CLPB: variants seen among roughly 807,000 people sequenced by gnomAD.
The protein encoded by CLPB is ClpB family mitochondrial disaggregase.
CLPB carries 40 observed loss-of-function variants against 78.4 expected under a neutral mutation model. The observed-to-expected ratio is 0.51, with a 90% CI of 0.40 to 0.66. The LOEUF is 0.66. Ranked by LOEUF, CLPB falls within the 30% of genes least tolerant of loss-of-function variation. The pLI is 0.00. For synonymous variants in CLPB, 333 were observed against 348.0 expected (o/e 0.96, Z 0.48); for missense variants, 780 against 886.9 (o/e 0.88, Z 1.53).
intron 1 of CLPB, among the ~76,000 whole-genome samples, chr11:72,431,729 C>T (rs1856550761): frequency 3.3e-5 from 5 of 152,124 alleles, no homozygotes; most frequent in Admixed American, 2.6e-4. Context: ...AATGTGGCTT[C>T]TACAAGGTTA....
intron 5 of CLPB, among the ~76,000 whole-genome samples, chr11:72,346,470 C>T (rs888400743): frequency 5.9e-5 from 9 of 151,346 alleles, no homozygotes; most frequent in African/African-American, 1.9e-4. Flanking sequence ...GTACAATTAT[C>T]AACAAAAAAA....
intron 5 of CLPB, among the ~76,000 whole-genome samples, chr11:72,358,039 C>A (rs968427205): frequency 6.6e-6 from 1 of 152,160 alleles, no homozygotes; most frequent in Non-Finnish European, 1.5e-5. Flanking sequence ...GCTTCCCACA[C>A]TCTCCCAAGG....
At chr11:72,407,297 C>T (rs1211739917) in intron 2 of CLPB, among the ~76,000 whole-genome samples, 2 of 152,218 alleles carry the variant, frequency 1.3e-5, no homozygotes, top group African/African-American at 2.4e-5. Context: ...CAGAGGTGTG[C>T]CTGTGTATCC....
intron 4 of CLPB, among the ~76,000 whole-genome samples, chr11:72,367,026 G>A (rs1379952973): frequency 6.6e-6 from 1 of 152,074 alleles, no homozygotes; most frequent in Non-Finnish European, 1.5e-5. Context: ...TATACCATGG[G>A]ATACTACATG....
chr11:72,312,476 G>A lies in CLPB; in HGVS notation c.989-3872C>T, dbSNP rs1420290529. Among the ~76,000 whole-genome samples the A allele has an allele frequency of 6.6e-6, 1 of 152,188 alleles. No individual in the cohort carries two copies. Among genetic ancestry groups the A allele is most frequent in the African/African-American group, 2.4e-5 (1 of 41,444 alleles). ...TGCCCCCAATCTGACCATATTCCAT[G>A]GGAGCAGGTGCTGGGTGTCCTGGGT... On this transcript the variant is annotated intron_variant, in intron 7 of 15. Coordinates refer to ENST00000538039, the MANE Select transcript of CLPB (RefSeq NM_001258392.3). This position sits in a 1 kb window ranked among gnomAD's most constrained non-coding sequence, Gnocchi z 4.2.
At chr11:72,380,218 A>G (rs974189858) in intron 4 of CLPB, 63 bp downstream of exon 4, 2 of 1,266,678 alleles carry the variant, frequency 1.6e-6, no homozygotes, top group African/African-American at 2.9e-5. Flanking sequence ...GACACCACAG[A>G]GCAAGGCTGC....
chr11:72,363,849 T>C (rs1195357774), intron 4 of CLPB, among the ~76,000 whole-genome samples: 2 of 152,218 alleles, frequency 1.3e-5, no homozygotes, highest in Non-Finnish European at 2.9e-5. Context: ...GGTCGGTTGA[T>C]ACCAGCTGAA....
intron 11 of CLPB, among the ~76,000 whole-genome samples, chr11:72,299,511 G>A (rs572073680): frequency 1.3e-5 from 2 of 151,836 alleles, no homozygotes; most frequent in Non-Finnish European, 2.9e-5. Flanking sequence ...GCAGTTCCCT[G>A]AGCATGCCAG....
At position 72,362,916 on chromosome 11, in the gene CLPB, G is replaced by C. The variant is rs141763438; in HGVS notation, c.647-3908C>G. On this transcript the variant is annotated intron_variant, in intron 4 of 15. Transcript: ENST00000538039. ...CACGCCTGTAATCCCAGCACTTTAG[G>C]AGGCCGAGGCGGGCAGATCGCTTGA... 6.1e-3 allele frequency among the ~76,000 whole-genome samples: 923 copies of C among 152,332 alleles called. 14 individuals are homozygous for C. Among genetic ancestry groups the C allele is most frequent in the African/African-American group, 0.021 (884 of 41,576 alleles).
chr11:72,357,865 C>T (rs1024760785), intron 5 of CLPB, among the ~76,000 whole-genome samples: 1 of 152,092 alleles, frequency 6.6e-6, no homozygotes, highest in Non-Finnish European at 1.5e-5. Context: ...GAGGACCTTT[C>T]CAGTGCTCAG....
At chr11:72,321,083 G>GGT (rs1555090207) in intron 6 of CLPB, among the ~76,000 whole-genome samples, 37 of 151,494 alleles carry the variant, frequency 2.4e-4, no homozygotes, top group African/African-American at 8.7e-4. Context: ...AAATACTTGA[G>GGT]ATATATATAT....
chr11:72,420,116 C>T (rs564859208), intron 2 of CLPB, among the ~76,000 whole-genome samples: 1 of 152,250 alleles, frequency 6.6e-6, no homozygotes, highest in African/African-American at 2.4e-5. Context: ...GAGACCAAGG[C>T]AGGACTGCTT....
chr11:72,294,486 G>A (rs1949514023), intron 13 of CLPB, 42 bp from the exon 14 acceptor site: 1 of 1,613,110 alleles, frequency 6.2e-7, no homozygotes, highest in Admixed American at 1.7e-5. Context: ...CAGTGACCCA[G>A]AGCGGGTTAG....
intron 5 of CLPB, among the ~76,000 whole-genome samples, chr11:72,333,393 G>A (rs1347001239): frequency 6.6e-6 from 1 of 152,224 alleles, no homozygotes; most frequent in Non-Finnish European, 1.5e-5. Flanking sequence ...TCTGTGTGCA[G>A]GATGATGAAG....
At chr11:72,331,786 C>T (rs1431556503) in intron 5 of CLPB, among the ~76,000 whole-genome samples, 1 of 151,926 alleles carries the variant, frequency 6.6e-6, no homozygotes, top group African/African-American at 2.4e-5. Context: ...GTTGGCCAGG[C>T]TGGTCTCAAA....
At chr11:72,374,138 T>TTGAGTGGTGAGTTG (rs1441223550) in intron 4 of CLPB, among the ~76,000 whole-genome samples, 1 of 152,110 alleles carries the variant, frequency 6.6e-6, no homozygotes, top group Non-Finnish European at 1.5e-5. Context: ...TTAGTACCCC[T>TTGAGTGGTGAGTTG]TGAGTGGTGA....
intron 7 of CLPB, among the ~76,000 whole-genome samples, chr11:72,315,778 A>C (rs1283529819): frequency 2.6e-5 from 4 of 152,060 alleles, no homozygotes; most frequent in African/African-American, 9.7e-5. Flanking sequence ...GCCAGTCCCT[A>C]CCACACATGT....
chr11:72,359,253 T>C (rs1343498587), intron 4 of CLPB: 1 of 643,554 alleles, frequency 1.6e-6, no homozygotes, highest in Non-Finnish European at 2.9e-6. Flanking sequence ...ATGAAATAGA[T>C]CAGATAAGGT....
intron 4 of CLPB, among the ~76,000 whole-genome samples, chr11:72,377,864 C>A (rs1051768520): frequency 6.6e-6 from 1 of 152,222 alleles, no homozygotes; most frequent in Non-Finnish European, 1.5e-5. Flanking sequence ...AACATATCCA[C>A]ATCACTTCGT....
Sources: gnomAD v4.1 joint callset for allele counts (sites outside exome capture counted in the v4.1 genomes callset) on GRCh38, gnomAD v4.1.1 for gene constraint, Gnocchi (gnomAD v3.1) non-coding constraint, MANE v1.5 for transcripts, NCBI Gene and HGNC (gene_info 2026-07-23, HGNC 2026-07-21) for gene names.